The following EDDM3A variants were observed in gnomAD, a reference collection of about 807,000 sequenced individuals.
EDDM3A encodes epididymal secretory protein E3-alpha.
For missense variants in EDDM3A, 199 were observed against 177.4 expected, an observed-to-expected ratio of 1.12 and a Z score of -0.69; for synonymous variants, 75 against 60.4, an observed-to-expected ratio of 1.24 and a Z score of -1.12.
chr14:20,745,300 G>A (rs970390834), upstream of EDDM3A, among the ~76,000 whole-genome samples: 2 of 151,752 alleles, frequency 1.3e-5, no homozygotes, highest in African/African-American at 4.8e-5. Flanking sequence ...GCTGAGGCAG[G>A]CAGATCATGA....
chr14:20,743,272 T>G (rs1877490213), upstream of EDDM3A, among the ~76,000 whole-genome samples: 2 of 152,198 alleles, frequency 1.3e-5, no homozygotes, highest in African/African-American at 4.8e-5. Flanking sequence ...AATATTGGCT[T>G]GGTGCGGTGG....
chr14:20,739,493 T>G, the EDDM3A span, among the ~76,000 whole-genome samples: 5 of 152,178 alleles, frequency 3.3e-5, no homozygotes, highest in African/African-American at 1.2e-4. Context: ...GCCAAGCAAT[T>G]GTCATGAGAT....
At chr14:20,740,953 A>G (rs1485021321), upstream of EDDM3A, among the ~76,000 whole-genome samples, 1 of 152,218 alleles carries the variant, frequency 6.6e-6, no homozygotes, top group Non-Finnish European at 1.5e-5. Flanking sequence ...ACGCTGACAC[A>G]GGGCAACCCA....
upstream of EDDM3A, among the ~76,000 whole-genome samples, chr14:20,743,037 T>A (rs539008244): frequency 1.8e-4 from 27 of 152,306 alleles, no homozygotes; most frequent in Middle Eastern, 3.4e-3. Flanking sequence ...GCCCAGCCCC[T>A]ACATTTCAAT....
the EDDM3A span, among the ~76,000 whole-genome samples, chr14:20,740,486 C>A: frequency 6.6e-6 from 1 of 152,188 alleles, no homozygotes; most frequent in Non-Finnish European, 1.5e-5. Context: ...TTCTCCTGAT[C>A]TGCTGGCCTT....
chr14:20,737,053 C>T, the EDDM3A span, among the ~76,000 whole-genome samples: 25 of 132,502 alleles, frequency 1.9e-4, 1 homozygote, highest in African/African-American at 7.4e-4. Context: ...TTTTCTTTTT[C>T]CTTTTTTTTT....
chr14:20,744,005 A>T (rs1219286115), upstream of EDDM3A, among the ~76,000 whole-genome samples: 1 of 152,172 alleles, frequency 6.6e-6, no homozygotes, highest in Non-Finnish European at 1.5e-5. Flanking sequence ...ACATTGGCTC[A>T]GGTGGCTTCT....
At chr14:20,742,568 T>TG (rs1172422932), upstream of EDDM3A, among the ~76,000 whole-genome samples, 7 of 151,956 alleles carry the variant, frequency 4.6e-5, no homozygotes, top group African/African-American at 1.2e-4. Context: ...GTTAGGGTTT[T>TG]GGGTTTTTTT....
rs958035295 is a variant in EDDM3A, at chr14:20,745,903, G to A, written c.-116G>A. The stretch of plus-strand genomic sequence containing the variant: ...CACTGCTGTAGATTTCCAGGGCTCT[G>A]AGAAAAGGAGGAGGACGCAGACTCT... On this transcript the variant is annotated 5_prime_UTR_variant, in exon 1 of 2. Coordinates refer to ENST00000326842, the MANE Select transcript of EDDM3A (RefSeq NM_006683.5). 6.7e-4 allele frequency: 102 copies of A among 152,278 alleles called. No individual in the cohort carries two copies. Among genetic ancestry groups the A allele is most frequent in the African/African-American group, 2.3e-3 (94 of 41,436 alleles). 9.4% of individuals were successfully genotyped at this position (152,278 alleles called of 1,614,324 possible). A position where few individuals can be genotyped will look rare whatever the true frequency, so the allele number is the denominator to read the frequency against.
chr14:20,745,333 T>C (rs562421625), upstream of EDDM3A, among the ~76,000 whole-genome samples: 282 of 151,902 alleles, frequency 1.9e-3, 1 homozygote, highest in African/African-American at 6.7e-3. Flanking sequence ...GAGACCATCC[T>C]GGCTAACACG....
At chr14:20,736,268 C>T in the EDDM3A span, among the ~76,000 whole-genome samples, 1 of 152,104 alleles carries the variant, frequency 6.6e-6, no homozygotes, top group Non-Finnish European at 1.5e-5. Flanking sequence ...TGTCACCATG[C>T]CCAGCTAATT....
At chr14:20,738,327 C>A in the EDDM3A span, among the ~76,000 whole-genome samples, 2 of 151,896 alleles carry the variant, frequency 1.3e-5, no homozygotes, top group African/African-American at 4.8e-5. Flanking sequence ...AAAAATTAGC[C>A]GGGCGTGGCG....
At position 20,747,552 on chromosome 14, in the gene EDDM3A, T is replaced by C. The variant is rs1445033399; in HGVS notation, c.-26-3T>C. The C allele has an allele frequency of 1.3e-6, 2 of 1,539,280 alleles. No homozygotes were observed. The highest frequency in any genetic ancestry group is 1.2e-5 in the South Asian group (1 of 80,868). ...TTAATGCTTTTCTTTCTCTTCCCTG[T>C]AGACACGCAGGTGGACGTGGTGACT... On this transcript the variant is annotated splice_polypyrimidine_tract_variant and splice_region_variant and intron_variant, in intron 1 of 1. Coordinates refer to ENST00000326842, the MANE Select transcript of EDDM3A (RefSeq NM_006683.5).
upstream of EDDM3A, among the ~76,000 whole-genome samples, chr14:20,744,915 T>G (rs1877537168): frequency 6.6e-6 from 1 of 152,166 alleles, no homozygotes; most frequent in African/African-American, 2.4e-5. Context: ...GTCTCACAAT[T>G]CACAACATTA....
At position 20,747,599 on chromosome 14, in the gene EDDM3A, A is replaced by C. The variant is rs369884461; in HGVS notation, c.19A>C (p.Ile7Leu). 8.1e-6 allele frequency: 13 copies of C among 1,608,022 alleles called. No individual in the cohort carries two copies. The highest frequency in any genetic ancestry group is 1.0e-5 in the Non-Finnish European group (12 of 1,176,794). ...GACTGAGATGACATCCTCTCTAAAG[A>C]TTTGGGGCATACTCTTGGCCCTGCT... MTSSLKIWGILLALLCI... is the reference protein window; with the variant it reads MTSSLKLWGILLALLCI... Residue 7 changes from isoleucine (I) to leucine (L), a missense_variant, in exon 2 of 2, where the codon ATT (isoleucine) becomes CTT (leucine). Coordinates refer to ENST00000326842, the MANE Select transcript of EDDM3A (RefSeq NM_006683.5).
At chr14:20,738,070 A>G in the EDDM3A span, among the ~76,000 whole-genome samples, 13,277 of 152,206 alleles carry the variant, frequency 0.087, 758 homozygotes, top group East Asian at 0.23. Context: ...ATTGGTCATC[A>G]TGTTCCAAAT....
At chr14:20,741,858 C>T (rs1475681522), upstream of EDDM3A, among the ~76,000 whole-genome samples, 1 of 151,670 alleles carries the variant, frequency 6.6e-6, no homozygotes, top group East Asian at 2.0e-4. Context: ...ATACCAGTGC[C>T]ACCTACTCAG....
the EDDM3A span, among the ~76,000 whole-genome samples, chr14:20,740,264 T>A: frequency 6.6e-6 from 1 of 152,226 alleles, no homozygotes; most frequent in East Asian, 1.9e-4. Flanking sequence ...TGGTTAAAGT[T>A]TAGTGGAGAG....
rs1225012860 is a variant in EDDM3A at position 20,747,641 on chromosome 14, CTG to C, written c.67_68del (p.Val23IlefsTer3). The C allele has an allele frequency of 3.1e-6, 5 of 1,613,878 alleles. No individual in the cohort carries two copies. Among genetic ancestry groups the C allele is most frequent in the Non-Finnish European group, 4.2e-6 (5 of 1,179,924 alleles). ...LLALLCILCRLCVYSNNIYWR... is the reference protein window; with the variant it reads ...LLALLCILCRXCVYSNNIYWR... The stretch of plus-strand genomic sequence containing the variant: ...GGCCCTGCTTTGCATCCTTTGCAGG[CTG>C]TGTGTATACAGTAACAACATTTACT... On this transcript the variant is annotated frameshift_variant, in exon 2 of 2. Coordinates refer to ENST00000326842, the MANE Select transcript of EDDM3A (RefSeq NM_006683.5). LOFTEE classifies it low-confidence loss of function (END_TRUNC).
Sources: gnomAD v4.1 joint callset for allele counts (sites outside exome capture counted in the v4.1 genomes callset) on GRCh38, gnomAD v4.1.1 for gene constraint, MANE v1.5 for transcripts, NCBI Gene and HGNC (gene_info 2026-07-23, HGNC 2026-07-21) for gene names.